Variants in PTPRK observed in about 807,000 individuals in gnomAD.
PTPRK encodes the protein receptor-type tyrosine-protein phosphatase kappa.
PTPRK carries 75 observed loss-of-function variants against 178.0 expected under a neutral mutation model. The ratio of observed to expected loss-of-function variants is 0.42; its 90% CI spans 0.35 to 0.51. The LOEUF is 0.51. Among genes scored for constraint, PTPRK ranks in the 20% least tolerant of loss-of-function variants. The pLI, the probability that PTPRK is intolerant of heterozygous loss-of-function variation, is 0.02. For synonymous variants in PTPRK, 637 were observed against 620.6 expected (o/e 1.03, Z -0.39); for missense variants, 1,441 against 1,797.8 (o/e 0.80, Z 3.59).
chr6:128,304,149 G>T (rs886769687), intron 3 of PTPRK, among the ~76,000 whole-genome samples: 3 of 152,200 alleles, frequency 2.0e-5, no homozygotes, highest in African/African-American at 7.2e-5. Flanking sequence ...CTAAGCTGGG[G>T]TGACATAAGA....
chr6:128,113,281 A>C (rs990378610), intron 7 of PTPRK, among the ~76,000 whole-genome samples: 2 of 151,992 alleles, frequency 1.3e-5, no homozygotes, highest in Non-Finnish European at 2.9e-5. Context: ...AGAAGAAAAA[A>C]ACTTGAAAGA....
chr6:128,208,412 C>T (rs893495088), intron 6 of PTPRK, among the ~76,000 whole-genome samples: 1 of 151,828 alleles, frequency 6.6e-6, no homozygotes, highest in African/African-American at 2.4e-5. Context: ...AGTAGAGAAG[C>T]CTGTAGAGAG....
At chr6:128,452,817 G>A (rs1269673778) in intron 1 of PTPRK, among the ~76,000 whole-genome samples, 2 of 152,196 alleles carry the variant, frequency 1.3e-5, no homozygotes, top group Non-Finnish European at 2.9e-5. Context: ...TGTTTTGGAT[G>A]GAAAACAACC....
At chr6:128,493,282 G>A (rs1358569627) in intron 1 of PTPRK, among the ~76,000 whole-genome samples, 1 of 152,128 alleles carries the variant, frequency 6.6e-6, no homozygotes, top group Non-Finnish European at 1.5e-5. Context: ...CCGCTAACTG[G>A]CTGGGCGCGG....
chr6:128,111,854 G>A (rs928075210), intron 7 of PTPRK, among the ~76,000 whole-genome samples: 1 of 151,976 alleles, frequency 6.6e-6, no homozygotes, highest in African/African-American at 2.4e-5. Context: ...TCTACTACTG[G>A]AGTGAGGGCA....
intron 14 of PTPRK, among the ~76,000 whole-genome samples, chr6:128,006,283 A>G (rs1778406339): frequency 6.6e-6 from 1 of 151,148 alleles, no homozygotes; most frequent in Admixed American, 6.6e-5. Flanking sequence ...TTTAAAATAC[A>G]TAATTTGGAA....
chr6:128,162,609 T>C (rs867263932), intron 7 of PTPRK, among the ~76,000 whole-genome samples: 15 of 151,790 alleles, frequency 9.9e-5, no homozygotes, highest in African/African-American at 3.6e-4. Flanking sequence ...ATGAGTCACA[T>C]ACTTCATGTG....
chr6:128,416,608 A>G (rs542474095), intron 1 of PTPRK, among the ~76,000 whole-genome samples: 2 of 150,892 alleles, frequency 1.3e-5, no homozygotes, highest in South Asian at 4.2e-4. Flanking sequence ...AGATCACGCC[A>G]CTGCAGTCCA....
intron 2 of PTPRK, among the ~76,000 whole-genome samples, chr6:128,323,178 T>A (rs1019288795): frequency 6.6e-6 from 1 of 152,098 alleles, no homozygotes; most frequent in Non-Finnish European, 1.5e-5. Context: ...AGCTCACATA[T>A]AGACTTTCCA....
At chr6:128,421,407 A>G (rs1474126344) in intron 1 of PTPRK, among the ~76,000 whole-genome samples, 3 of 152,226 alleles carry the variant, frequency 2.0e-5, no homozygotes, top group African/African-American at 4.8e-5. Flanking sequence ...GATATTAGTC[A>G]GTCTCTTTTC....
intron 1 of PTPRK, among the ~76,000 whole-genome samples, chr6:128,461,912 A>T (rs563181120): frequency 6.6e-6 from 1 of 152,390 alleles, no homozygotes; most frequent in African/African-American, 2.4e-5. Context: ...TCAGTGCATC[A>T]TTGATGAATA....
Position 128,129,330 on chromosome 6 carries a change from T to C in PTPRK, c.1163-39338A>G, listed in dbSNP as rs138302112. Among the ~76,000 whole-genome samples, 773 of 152,300 alleles carry C rather than the reference T, an allele frequency of 5.1e-3. 3 individuals are homozygous for C. The highest frequency in any genetic ancestry group is 0.018 in the African/African-American group (750 of 41,566). On this transcript the variant is annotated intron_variant, in intron 7 of 29. Coordinates refer to ENST00000368226, the MANE Select transcript of PTPRK (RefSeq NM_002844.4). ...CATGTGTGGTGCATGTTTTCATTAA[T>C]AATGTGGCTTGTCTGAAAAATAAAA...
chr6:128,253,395 G>A (rs971888397), intron 3 of PTPRK, among the ~76,000 whole-genome samples: 1 of 152,172 alleles, frequency 6.6e-6, no homozygotes, highest in Non-Finnish European at 1.5e-5. Flanking sequence ...GAAGCAAAGA[G>A]TAGCAGAAAA....
intron 7 of PTPRK, among the ~76,000 whole-genome samples, chr6:128,128,265 G>A (rs1793684890): frequency 6.6e-6 from 1 of 152,112 alleles, no homozygotes; most frequent in African/African-American, 2.4e-5. Context: ...ATCAAAATCT[G>A]TAGTTTGCAT....
chr6:128,312,987 G>C (rs1331016590), intron 3 of PTPRK, among the ~76,000 whole-genome samples: 2 of 152,112 alleles, frequency 1.3e-5, no homozygotes, highest in Non-Finnish European at 2.9e-5. Flanking sequence ...CCCTGAGAAA[G>C]TGTATGCATA....
intron 2 of PTPRK, among the ~76,000 whole-genome samples, chr6:128,352,030 G>C (rs894582220): frequency 3.9e-5 from 6 of 152,008 alleles, no homozygotes; most frequent in Non-Finnish European, 7.4e-5. Context: ...GCTAAGGCAG[G>C]TGGATCACGA....
chr6:128,327,581 C>T (rs191939328), intron 2 of PTPRK, among the ~76,000 whole-genome samples: 1 of 152,096 alleles, frequency 6.6e-6, no homozygotes, highest in Non-Finnish European at 1.5e-5. Flanking sequence ...CTGATTCTGG[C>T]CCCCAATTAT....
intron 5 of PTPRK, chr6:128,232,000 C>T (rs1332862654): frequency 6.6e-6 from 1 of 152,204 alleles, no homozygotes; most frequent in Non-Finnish European, 1.5e-5. Flanking sequence ...GCCCTCATTC[C>T]CTGATGACTG....
At chr6:128,408,507 T>C (rs939698642) in intron 1 of PTPRK, among the ~76,000 whole-genome samples, 2 of 152,174 alleles carry the variant, frequency 1.3e-5, no homozygotes, top group African/African-American at 2.4e-5. Context: ...TCTATATCAT[T>C]TGCAAAAAAG....
Sources: allele counts gnomAD v4.1 joint callset (sites outside exome capture counted in the v4.1 genomes callset), GRCh38; gene constraint gnomAD v4.1.1; transcripts MANE v1.5; gene names NCBI Gene and HGNC (gene_info 2026-07-23, HGNC 2026-07-21).